The following MYO10 variants were observed in gnomAD, a reference collection of about 807,000 sequenced individuals.
The protein encoded by MYO10 is unconventional myosin-X.
Under a neutral mutation model 257.3 loss-of-function variants are expected in MYO10, and 133 were observed. The ratio of observed to expected loss-of-function variants is 0.52; its 90% CI spans 0.45 to 0.60. The LOEUF is 0.60. Ranked by LOEUF, MYO10 falls within the 20% of genes least tolerant of loss-of-function variation. MYO10 has a pLI of 0.00. For synonymous variants in MYO10, 1,104 were observed against 1,028.6 expected, an observed-to-expected ratio of 1.07 and a Z score of -1.40; for missense variants, 2,399 against 2,635.7, an observed-to-expected ratio of 0.91 and a Z score of 1.97.
chr5:16,707,989 G>A (rs1206035403), intron 21 of MYO10, among the ~76,000 whole-genome samples: 1 of 152,316 alleles, frequency 6.6e-6, no homozygotes, highest in African/African-American at 2.4e-5. Context: ...AGAGGTTTGA[G>A]GCTTTAAACA....
At chr5:16,672,548 A>T (rs1736518303) in intron 37 of MYO10, 141 bp downstream of exon 37, 2 of 935,634 alleles carry the variant, frequency 2.1e-6, no homozygotes, top group Admixed American at 2.9e-5. Flanking sequence ...ATGCAAAGTT[A>T]AACAGGCATC....
rs1247956103 is a variant in MYO10, at chr5:16,763,642, T to C, written c.1427+13A>G. The stretch of plus-strand genomic sequence containing the variant: ...AAAAAAAAAAATTGAAATGGAATTC[T>C]ATGAGTGCTTACCGGCTATATTCTA... On this transcript the variant is annotated intron_variant, in intron 13 of 40. Transcript: ENST00000513610. 4 of 1,591,104 alleles carry C rather than the reference T, an allele frequency of 2.5e-6. No individual in the cohort carries two copies. Among genetic ancestry groups the C allele is most frequent in the Non-Finnish European group, 3.4e-6 (4 of 1,159,906 alleles).
chr5:16,801,033 A>C (rs1179606460), intron 3 of MYO10, among the ~76,000 whole-genome samples: 1 of 152,164 alleles, frequency 6.6e-6, no homozygotes, highest in African/African-American at 2.4e-5. Flanking sequence ...GCACCCTAGA[A>C]GCTGCCTGCC....
At chr5:16,668,212 T>TG in intron 40 of MYO10, 65 bp downstream of exon 40, 1 of 1,481,570 alleles carries the variant, frequency 6.7e-7, no homozygotes, top group East Asian at 2.3e-5. Flanking sequence ...CATGAGGAAA[T>TG]GGGGTCCTGT....
intron 30 of MYO10, 90 bp downstream of exon 30, chr5:16,683,790 T>C: frequency 7.6e-7 from 1 of 1,316,622 alleles, no homozygotes; most frequent in South Asian, 1.2e-5. Flanking sequence ...TTCACAGCCC[T>C]GTGAAGAGGG....
At chr5:16,752,158 C>A (rs1740395424) in intron 19 of MYO10, among the ~76,000 whole-genome samples, 1 of 152,130 alleles carries the variant, frequency 6.6e-6, no homozygotes, top group Admixed American at 6.6e-5. Flanking sequence ...ACTGCCAGGG[C>A]AGGAATTTAA....
At position 16,763,013 on chromosome 5, in the gene MYO10, T is replaced by C. The variant is rs549768970; in HGVS notation, c.1495-376A>G. 4.6e-5 allele frequency among the ~76,000 whole-genome samples: 7 copies of C among 151,678 alleles called. No individual in the cohort carries two copies. In the South Asian group the frequency reaches 8.4e-4, roughly 18 times the overall value. Reference sequence around the variant, plus strand: ...AGTTGAATGTGTGCGTCCCAAACTATTTGAGAGCTCTTCTCTACTCTCTAA... The same window carrying C: ...AGTTGAATGTGTGCGTCCCAAACTACTTGAGAGCTCTTCTCTACTCTCTAA... On this transcript the variant is annotated intron_variant, in intron 14 of 40. Coordinates refer to ENST00000513610, the MANE Select transcript of MYO10 (RefSeq NM_012334.3).
chr5:16,927,907 G>T (rs752429429), intron 1 of MYO10, among the ~76,000 whole-genome samples: 18 of 152,146 alleles, frequency 1.2e-4, no homozygotes, highest in Non-Finnish European at 2.5e-4. Flanking sequence ...TCTTAGCAAG[G>T]CAGCAAAATG....
chr5:16,663,340 T>G lies in MYO10; in HGVS notation c.*3352A>C, dbSNP rs990458408. On this transcript the variant is annotated 3_prime_UTR_variant, in exon 41 of 41. Transcript: ENST00000513610. ...TTTACTTCTAGTTGTTTTTTTTTTT[T>G]TTTTTTTTTTTTTTTTTTTTTTTTT... 17 of 40,474 alleles carry G rather than the reference T, an allele frequency of 4.2e-4. No individual in the cohort carries two copies. The East Asian group carries it at 7.2e-3, about 17-fold the overall frequency. 2.5% of individuals were successfully genotyped at this position (40,474 alleles called of 1,614,324 possible).
At position 16,786,508 on chromosome 5, in the gene MYO10, A is replaced by C. The variant is rs142081714; in HGVS notation, c.468-3039T>G. On this transcript the variant is annotated intron_variant, in intron 4 of 40. Transcript: ENST00000513610. ...GCATTACACCAACTGAGTAACCCTAAATCTGAAAATATGAAATCTGAAATG... is the reference window on the plus strand; with the variant it reads ...GCATTACACCAACTGAGTAACCCTACATCTGAAAATATGAAATCTGAAATG... 1.6e-4 allele frequency among the ~76,000 whole-genome samples: 25 copies of C among 152,236 alleles called. No individual in the cohort carries two copies. In the East Asian group the frequency reaches 4.6e-3, roughly 28 times the overall value.
At chr5:16,734,297 C>T (rs1299567239) in intron 19 of MYO10, among the ~76,000 whole-genome samples, 1 of 152,172 alleles carries the variant, frequency 6.6e-6, no homozygotes, top group Admixed American at 6.5e-5. Flanking sequence ...AAAAGAACAG[C>T]TTTCAGGGTT....
In MYO10 at chr5:16,917,808, C is replaced by T. The variant is rs563697721; in HGVS notation, c.21+17980G>A. On this transcript the variant is annotated intron_variant, in intron 1 of 40. Coordinates refer to ENST00000513610, the MANE Select transcript of MYO10 (RefSeq NM_012334.3). ...GAGAATCTCTTGAGCCCAGGAGGTCCGGGGTATAGTGAGCTGTGATTGCAT... is the reference window on the plus strand; with the variant it reads ...GAGAATCTCTTGAGCCCAGGAGGTCTGGGGTATAGTGAGCTGTGATTGCAT... Among the ~76,000 whole-genome samples the T allele has an allele frequency of 5.3e-5, 8 of 151,998 alleles. No homozygotes were observed. In the South Asian group the frequency reaches 6.2e-4, roughly 12 times the overall value.
At chr5:16,704,483 A>G in intron 22 of MYO10, 96 bp downstream of exon 22, 1 of 1,063,398 alleles carries the variant, frequency 9.4e-7, no homozygotes, top group Non-Finnish European at 1.4e-6. Context: ...GCTCCCCTCA[A>G]TTCAAAAACC....
rs531134992 is a variant in MYO10, at chr5:16,834,623, T to C, written c.121-16456A>G. ...CATGATGAGGACTTTACGTTTGTCA[T>C]CTAAAACCAACTCCAAAGACTGGGT... On this transcript the variant is annotated intron_variant, in intron 2 of 40. Coordinates refer to ENST00000513610, the MANE Select transcript of MYO10 (RefSeq NM_012334.3). Among the ~76,000 whole-genome samples the C allele has an allele frequency of 3.9e-5, 6 of 152,340 alleles. No homozygotes were observed. The South Asian group carries it at 8.3e-4, about 21-fold the overall frequency.
At position 16,802,640 on chromosome 5, in the gene MYO10, G is replaced by C. The variant is rs890286074; in HGVS notation, c.280-7807C>G. Among the ~76,000 whole-genome samples, 91 of 130,476 alleles carry C rather than the reference G, an allele frequency of 7.0e-4. 5 individuals are homozygous for C. Among genetic ancestry groups the C allele is most frequent in the South Asian group, 2.5e-4 (1 of 4,044 alleles). 85.6% of individuals were successfully genotyped at this position (130,476 alleles called of 152,430 possible). ...CCACTGCACTCCAGCCTGGGGGACA[G>C]AGCGAGACTGTCTCTAAAAAAAAAA... is the stretch of plus-strand genomic sequence containing the variant. On this transcript the variant is annotated intron_variant, in intron 3 of 40. Transcript: ENST00000513610.
intron 1 of MYO10, among the ~76,000 whole-genome samples, chr5:16,897,946 A>G (rs1366857673): frequency 2.0e-5 from 3 of 152,228 alleles, no homozygotes; most frequent in African/African-American, 7.2e-5. Context: ...TGCGGACCCT[A>G]ATCATCTCAA....
At chr5:16,725,751 C>G (rs1177637646) in intron 19 of MYO10, among the ~76,000 whole-genome samples, 1 of 150,624 alleles carries the variant, frequency 6.6e-6, no homozygotes, top group East Asian at 1.9e-4. Context: ...TCATATCATA[C>G]AGCAATTACC....
intron 3 of MYO10, among the ~76,000 whole-genome samples, chr5:16,802,380 C>T (rs187706506): frequency 2.6e-5 from 4 of 151,842 alleles, no homozygotes; most frequent in African/African-American, 9.7e-5. Context: ...AAATAGGAGC[C>T]GGGTGCAGTG....
intron 19 of MYO10, among the ~76,000 whole-genome samples, chr5:16,735,190 G>A (rs1478763085): frequency 4.6e-5 from 7 of 152,192 alleles, no homozygotes; most frequent in Non-Finnish European, 5.9e-5. Flanking sequence ...GTCTAAAGGA[G>A]AGGTTGCTTT....
Sources: allele counts gnomAD v4.1 joint callset (sites outside exome capture counted in the v4.1 genomes callset), GRCh38; gene constraint gnomAD v4.1.1; transcripts MANE v1.5; gene names NCBI Gene and HGNC (gene_info 2026-07-23, HGNC 2026-07-21).